Variants in CSNK1G1 observed in about 807,000 individuals in gnomAD.
The protein encoded by CSNK1G1 is casein kinase I isoform gamma-1.
CSNK1G1 carries 22 observed loss-of-function variants against 59.6 expected under a neutral mutation model. That is an observed-to-expected ratio of 0.37 (90% CI 0.26 to 0.53). The LOEUF (loss-of-function observed/expected upper bound fraction) is 0.53. Ranked by LOEUF, CSNK1G1 falls within the 20% of genes least tolerant of loss-of-function variation. CSNK1G1 has a pLI of 0.89. For missense variants in CSNK1G1, 384 were observed against 519.5 expected, an observed-to-expected ratio of 0.74 and a Z score of 2.54; for synonymous variants, 179 against 177.1, an observed-to-expected ratio of 1.01 and a Z score of -0.08.
At chr15:64,219,797 C>G (rs982849069) in intron 4 of CSNK1G1, among the ~76,000 whole-genome samples, 12 of 133,976 alleles carry the variant, frequency 9.0e-5, no homozygotes, top group African/African-American at 3.7e-4. Context: ...TTTTTTGAGA[C>G]AGAGTCTCGC....
intron 3 of CSNK1G1, among the ~76,000 whole-genome samples, chr15:64,255,513 C>T (rs1047207741): frequency 6.6e-6 from 1 of 152,162 alleles, no homozygotes; most frequent in East Asian, 1.9e-4. Context: ...AAACTTAAGC[C>T]TATTTTTCTT....
rs147616161 is a variant in CSNK1G1 at position 64,288,527 on chromosome 15, A to G, written c.181+11792T>C. Among the ~76,000 whole-genome samples, 5 of 152,194 alleles carry G rather than the reference A, an allele frequency of 3.3e-5. No homozygotes were observed. The East Asian group carries it at 7.7e-4, about 23-fold the overall frequency. On this transcript the variant is annotated intron_variant, in intron 2 of 11. Transcript: ENST00000303052. ...TGGAATTAAAGATAAATTATAAAAA[A>G]TATTACATGATACTTTATAAAGTTA...
intron 4 of CSNK1G1, among the ~76,000 whole-genome samples, chr15:64,226,661 G>C (rs554741793): frequency 1.3e-5 from 2 of 151,484 alleles, no homozygotes; most frequent in South Asian, 2.1e-4. Flanking sequence ...AAATTCATGA[G>C]ATTAAAAAAT....
chr15:64,338,719 A>AAC (rs1555404971), intron 1 of CSNK1G1, among the ~76,000 whole-genome samples: 17 of 144,786 alleles, frequency 1.2e-4, no homozygotes, highest in Non-Finnish European at 2.3e-4. Context: ...AAAAAAAAAA[A>AAC]AAAAAAAAAC....
At chr15:64,179,121 C>T (rs954037292) in intron 11 of CSNK1G1, among the ~76,000 whole-genome samples, 3 of 140,788 alleles carry the variant, frequency 2.1e-5, no homozygotes, top group African/African-American at 8.0e-5. Flanking sequence ...TGGTTCATGC[C>T]TGTAATTTCA....
chr15:64,300,863 C>T (rs993766324), intron 1 of CSNK1G1, 140 bp from the exon 2 acceptor site: 2 of 440,930 alleles, frequency 4.5e-6, no homozygotes, highest in Non-Finnish European at 7.6e-6. Flanking sequence ...TTTCTATCCT[C>T]CAATAGTTTA....
intron 1 of CSNK1G1, among the ~76,000 whole-genome samples, chr15:64,322,906 T>C (rs1480540875): frequency 1.3e-5 from 2 of 151,956 alleles, no homozygotes; most frequent in African/African-American, 4.8e-5. Flanking sequence ...TAAAATGCAC[T>C]GCACTTTTAC....
At chr15:64,289,593 A>T (rs145083153) in intron 2 of CSNK1G1, among the ~76,000 whole-genome samples, 4 of 152,336 alleles carry the variant, frequency 2.6e-5, no homozygotes, top group Admixed American at 6.5e-5. Flanking sequence ...GGACTTAATT[A>T]AACTAAAAAG....
chr15:64,203,277 A>G, intron 9 of CSNK1G1, 88 bp from the exon 10 acceptor site: 1 of 837,208 alleles, frequency 1.2e-6, no homozygotes, highest in East Asian at 2.7e-5. Flanking sequence ...ATTCTAATAG[A>G]GTAGTAGTAA....
At chr15:64,311,948 C>T (rs1380267828) in intron 1 of CSNK1G1, among the ~76,000 whole-genome samples, 1 of 152,158 alleles carries the variant, frequency 6.6e-6, no homozygotes, top group Non-Finnish European at 1.5e-5. Context: ...GCAAAGATCA[C>T]AAGCATTCCA....
chr15:64,338,105 T>C (rs1011187149), intron 1 of CSNK1G1, among the ~76,000 whole-genome samples: 4 of 152,208 alleles, frequency 2.6e-5, no homozygotes, highest in African/African-American at 9.7e-5. Flanking sequence ...TTGATTCTTT[T>C]AGATATATGC....
intron 2 of CSNK1G1, among the ~76,000 whole-genome samples, chr15:64,279,941 A>G (rs1170765419): frequency 6.6e-6 from 1 of 151,374 alleles, no homozygotes; most frequent in Non-Finnish European, 1.5e-5. Context: ...CACTGCACTC[A>G]AGCCTGGGCA....
At chr15:64,324,379 C>T (rs1382644738) in intron 1 of CSNK1G1, among the ~76,000 whole-genome samples, 1 of 152,168 alleles carries the variant, frequency 6.6e-6, no homozygotes, top group East Asian at 1.9e-4. Flanking sequence ...TAATCAGCTG[C>T]CAAAATGGCT....
chr15:64,275,326 G>T (rs1468632769), intron 2 of CSNK1G1, among the ~76,000 whole-genome samples: 2 of 152,124 alleles, frequency 1.3e-5, no homozygotes, highest in Non-Finnish European at 2.9e-5. Flanking sequence ...GAGCCATCTT[G>T]CCCGGCCCAA....
At chr15:64,343,588 T>C (rs1897791375) in intron 1 of CSNK1G1, among the ~76,000 whole-genome samples, 1 of 152,080 alleles carries the variant, frequency 6.6e-6, no homozygotes, top group South Asian at 2.1e-4. Flanking sequence ...CCTGTCAGAA[T>C]TGTGAATACT....
chr15:64,265,528 T>C (rs531134074), intron 2 of CSNK1G1, among the ~76,000 whole-genome samples: 1 of 152,332 alleles, frequency 6.6e-6, no homozygotes, highest in South Asian at 2.1e-4. Context: ...GCCATGATTG[T>C]GAGGCCTCCC....
intron 3 of CSNK1G1, among the ~76,000 whole-genome samples, chr15:64,258,813 T>C (rs1596173016): frequency 6.6e-6 from 1 of 152,168 alleles, no homozygotes; most frequent in East Asian, 1.9e-4. Context: ...AGATGATCAG[T>C]TATGATTTTC....
intron 2 of CSNK1G1, among the ~76,000 whole-genome samples, chr15:64,292,250 A>G (rs533397543): frequency 6.6e-6 from 1 of 152,182 alleles, no homozygotes; most frequent in African/African-American, 2.4e-5. Flanking sequence ...TTCACAAGTG[A>G]CAGTTCAGTA....
intron 7 of CSNK1G1, among the ~76,000 whole-genome samples, chr15:64,206,681 C>T (rs2082186884): frequency 6.7e-6 from 1 of 150,096 alleles, no homozygotes; most frequent in Admixed American, 6.7e-5. Context: ...AGCCAAACAG[C>T]CAAAGGCACA....
Sources: allele counts gnomAD v4.1 joint callset (sites outside exome capture counted in the v4.1 genomes callset), GRCh38; gene constraint gnomAD v4.1.1; transcripts MANE v1.5; gene names NCBI Gene and HGNC (gene_info 2026-07-23, HGNC 2026-07-21).